The following ENPP2 variants were observed in gnomAD, a reference collection of about 807,000 sequenced individuals.
ENPP2 encodes autotaxin.
In ENPP2, 51 loss-of-function variants were observed where a neutral mutation model predicts 120.2. The observed-to-expected ratio is 0.42, with a 90% CI of 0.34 to 0.54. The LOEUF is 0.54. Ranked by LOEUF, ENPP2 falls within the 20% of genes least tolerant of loss-of-function variation. The pLI is 0.04. For synonymous variants in ENPP2, 365 were observed against 366.4 expected, an observed-to-expected ratio of 1.00 and a Z score of 0.04; for missense variants, 920 against 1,066.5, an observed-to-expected ratio of 0.86 and a Z score of 1.91.
upstream of ENPP2, among the ~76,000 whole-genome samples, chr8:119,642,809 C>T (rs1817321415): frequency 1.3e-5 from 2 of 152,122 alleles, no homozygotes; most frequent in Non-Finnish European, 1.5e-5. Context: ...TCTATCTTTT[C>T]ATGAAATTAT....
chr8:119,570,035 G>A (rs1224899314), intron 20 of ENPP2, among the ~76,000 whole-genome samples: 2 of 152,026 alleles, frequency 1.3e-5, no homozygotes, highest in South Asian at 2.1e-4. Context: ...TTGGGAGGCC[G>A]AGGCAGGCAG....
chr8:119,596,244 A>AC (rs1236375562), intron 11 of ENPP2, among the ~76,000 whole-genome samples: 1 of 152,180 alleles, frequency 6.6e-6, no homozygotes, highest in African/African-American at 2.4e-5. Flanking sequence ...AATTTAAGAA[A>AC]ATCTAGTCAT....
intron 19 of ENPP2, among the ~76,000 whole-genome samples, chr8:119,576,418 G>A (rs1344078309): frequency 2.0e-5 from 3 of 152,180 alleles, no homozygotes; most frequent in Non-Finnish European, 2.9e-5. Flanking sequence ...GATTACAAGT[G>A]TGAGCCACTG....
At chr8:119,578,587 T>C (rs1480362494) in intron 19 of ENPP2, 1 of 152,238 alleles carries the variant, frequency 6.6e-6, no homozygotes, top group Non-Finnish European at 1.5e-5. Context: ...GGCAACTAAA[T>C]ATCTAAAAAA....
At position 119,590,617 on chromosome 8, in the gene ENPP2, G is replaced by A; in HGVS notation, c.1095C>T (p.Val365=). ...TCAAGAACTCAGTTCTATCACATGT[G>A]ACATCTTCCATTCCTATGGGGAGGG... The part of the protein sequence containing the change: ...IFVGDHGMED[V]TCDRTEFLSN... Residue 365 remains valine, a synonymous_variant, in exon 13 of 25, where the codon GTC becomes GTT. Transcript: ENST00000075322. 1.3e-6 allele frequency: 2 copies of A among 1,552,446 alleles called. No individual in the cohort carries two copies. Among genetic ancestry groups the A allele is most frequent in the Non-Finnish European group, 1.7e-6 (2 of 1,148,834 alleles).
chr8:119,665,091 C>T (rs1818031578), intron 1 of ENPP2, among the ~76,000 whole-genome samples: 1 of 152,112 alleles, frequency 6.6e-6, no homozygotes, highest in South Asian at 2.1e-4. Flanking sequence ...AGACATCAGT[C>T]ATATTGGGTT....
At chr8:119,668,880 A>T (rs1458664314) in intron 1 of ENPP2, among the ~76,000 whole-genome samples, 1 of 151,966 alleles carries the variant, frequency 6.6e-6, no homozygotes, top group African/African-American at 2.4e-5. Context: ...TTCCTTTCTC[A>T]ATCCGCTTTC....
chr8:119,652,303 C>T (rs1290285462), intron 1 of ENPP2, among the ~76,000 whole-genome samples: 1 of 152,116 alleles, frequency 6.6e-6, no homozygotes, highest in African/African-American at 2.4e-5. Context: ...CTTATATCAT[C>T]ACCTTGGGAG....
chr8:119,595,973 C>T (rs200007906), intron 11 of ENPP2: 35 of 1,613,778 alleles, frequency 2.2e-5, no homozygotes, highest in Non-Finnish European at 2.7e-5. Context: ...GTCTCTTAGC[C>T]GGAGTAAAAG....
chr8:119,573,724 G>A lies in ENPP2; in HGVS notation c.1781-2883C>T, dbSNP rs189470826. 1.2e-4 allele frequency among the ~76,000 whole-genome samples: 19 copies of A among 152,206 alleles called. No individual in the cohort carries two copies. In the East Asian group the frequency reaches 3.7e-3, roughly 29 times the overall value. On this transcript the variant is annotated intron_variant, in intron 19 of 24. Coordinates refer to ENST00000075322, the MANE Select transcript of ENPP2 (RefSeq NM_001040092.3). ...CTACTTGGGAGGCTGGGGCAGAACT[G>A]CTTGAACCTGGGAGGCAGAGGATGC...
intron 22 of ENPP2, among the ~76,000 whole-genome samples, chr8:119,567,653 T>C (rs1406377317): frequency 6.6e-6 from 1 of 152,222 alleles, no homozygotes; most frequent in African/African-American, 2.4e-5. Context: ...CTTTCGGCTC[T>C]TGCTGGGTTT....
chr8:119,621,585 C>T (rs1448953018), intron 3 of ENPP2, 66 bp from the exon 4 acceptor site: 3 of 1,544,192 alleles, frequency 1.9e-6, no homozygotes, highest in Non-Finnish European at 2.7e-6. Flanking sequence ...GCCACAATTG[C>T]TTACAGGATT....
chr8:119,664,388 G>A (rs933931164), intron 1 of ENPP2, among the ~76,000 whole-genome samples: 2 of 152,176 alleles, frequency 1.3e-5, no homozygotes, highest in Non-Finnish European at 1.5e-5. Context: ...CTCTAAAACA[G>A]AAAGGATGAG....
chr8:119,660,352 A>T (rs1377902919), intron 1 of ENPP2, among the ~76,000 whole-genome samples: 4 of 152,200 alleles, frequency 2.6e-5, no homozygotes, highest in Non-Finnish European at 5.9e-5. Flanking sequence ...CATTATCTGT[A>T]ATTCATAGGG....
chr8:119,637,065 TC>T, intron 2 of ENPP2, among the ~76,000 whole-genome samples: 1 of 152,272 alleles, frequency 6.6e-6, no homozygotes, highest in African/African-American at 2.4e-5. Context: ...AAAAAAAAGT[TC>T]CCTTTAGTGT....
Position 119,558,002 on chromosome 8 carries a change from C to G in ENPP2, c.2422-311G>C, listed in dbSNP as rs140570410. Among the ~76,000 whole-genome samples the G allele has an allele frequency of 3.2e-3, 485 of 152,288 alleles. 1 individual carries two copies. Among genetic ancestry groups the G allele is most frequent in the Middle Eastern group, 0.01 (3 of 294 alleles). On this transcript the variant is annotated intron_variant, in intron 24 of 24. Coordinates refer to ENST00000075322, the MANE Select transcript of ENPP2 (RefSeq NM_001040092.3). ...ATCAAAATTAGGAAAACCAAAGGCC[C>G]TAGAGAATTCAGTAATTTGTTTCTT...
chr8:119,652,820 A>C (rs1817663409), intron 1 of ENPP2, among the ~76,000 whole-genome samples: 1 of 152,224 alleles, frequency 6.6e-6, no homozygotes, highest in Non-Finnish European at 1.5e-5. Context: ...CAACAGGTTG[A>C]AATCAAGAGT....
chr8:119,642,574 G>A (rs190381322), upstream of ENPP2, among the ~76,000 whole-genome samples: 10 of 152,082 alleles, frequency 6.6e-5, no homozygotes, highest in Admixed American at 3.3e-4. Context: ...TGAATTGTTT[G>A]GCCTAATTCA....
chr8:119,671,980 T>C (rs1355463123), intron 1 of ENPP2, among the ~76,000 whole-genome samples: 1 of 152,056 alleles, frequency 6.6e-6, no homozygotes, highest in Non-Finnish European at 1.5e-5. Context: ...TAGTTCAAAA[T>C]GACACAGAGG....
Sources: gnomAD v4.1 joint callset for allele counts (sites outside exome capture counted in the v4.1 genomes callset) on GRCh38, gnomAD v4.1.1 for gene constraint, MANE v1.5 for transcripts, NCBI Gene and HGNC (gene_info 2026-07-23, HGNC 2026-07-21) for gene names.